SPOCK1: variants seen among roughly 807,000 people sequenced by gnomAD.
SPOCK1 encodes the protein testican-1.
Under a neutral mutation model 55.3 loss-of-function variants are expected in SPOCK1, and 23 were observed. The ratio of observed to expected loss-of-function variants is 0.42; its 90% CI spans 0.30 to 0.59. SPOCK1 has a LOEUF of 0.59. SPOCK1 is among the 20% of genes least tolerant of loss of function. The pLI is 0.22. For missense variants in SPOCK1, 499 were observed against 552.5 expected, an observed-to-expected ratio of 0.90 and a Z score of 0.97; for synonymous variants, 226 against 221.0, an observed-to-expected ratio of 1.02 and a Z score of -0.20.
chr5:137,344,178 C>G (rs1750502395), intron 2 of SPOCK1, among the ~76,000 whole-genome samples: 1 of 152,198 alleles, frequency 6.6e-6, no homozygotes, highest in Non-Finnish European at 1.5e-5. Context: ...CAAGAGGCTC[C>G]CATGCACCAG....
intron 3 of SPOCK1, among the ~76,000 whole-genome samples, chr5:137,202,459 A>G (rs537907050): frequency 6.6e-6 from 1 of 152,330 alleles, no homozygotes; most frequent in East Asian, 1.9e-4. Context: ...ATTCCACTCC[A>G]TTTGAGACCT....
chr5:136,980,987 C>CTGAT (rs1365244883), intron 9 of SPOCK1, among the ~76,000 whole-genome samples: 3 of 152,062 alleles, frequency 2.0e-5, no homozygotes, highest in African/African-American at 4.8e-5. Context: ...AATTTGGTAA[C>CTGAT]TGATAGTATC....
chr5:137,061,784 TA>T (rs1383908654), intron 6 of SPOCK1, among the ~76,000 whole-genome samples: 5 of 152,236 alleles, frequency 3.3e-5, no homozygotes, highest in Admixed American at 1.3e-4. Context: ...GATGCCATTC[TA>T]AACCTTGCTG....
intron 2 of SPOCK1, among the ~76,000 whole-genome samples, chr5:137,351,265 C>T (rs1226258891): frequency 6.6e-6 from 1 of 152,246 alleles, no homozygotes; most frequent in Non-Finnish European, 1.5e-5. Context: ...CATCCGCTGA[C>T]AATGCCACTC....
At position 137,201,204 on chromosome 5, in the gene SPOCK1, A is replaced by G. The variant is rs954388434; in HGVS notation, c.233-60510T>C. Among the ~76,000 whole-genome samples the G allele has an allele frequency of 2.0e-5, 3 of 152,242 alleles. No homozygotes were observed. The East Asian group carries it at 5.8e-4, about 29-fold the overall frequency. Reference sequence around the variant, plus strand: ...TTAATTCATCAGAACAAAAGAGACCAGAAGGACTGGACCAGCAGAGAAGCA... The same window carrying G: ...TTAATTCATCAGAACAAAAGAGACCGGAAGGACTGGACCAGCAGAGAAGCA... On this transcript the variant is annotated intron_variant, in intron 3 of 10. Transcript: ENST00000394945.
At chr5:137,014,292 C>T (rs1465803345) in intron 6 of SPOCK1, among the ~76,000 whole-genome samples, 1 of 152,156 alleles carries the variant, frequency 6.6e-6, no homozygotes, top group African/African-American at 2.4e-5. Flanking sequence ...CACTATGCTT[C>T]CTGTTCAGCC....
At chr5:137,389,468 C>A (rs374715583) in intron 2 of SPOCK1, among the ~76,000 whole-genome samples, 66 of 152,350 alleles carry the variant, frequency 4.3e-4, no homozygotes, top group African/African-American at 1.6e-3. Flanking sequence ...GCAGGAGGGA[C>A]CCCTGACTTT....
chr5:137,130,386 T>G (rs1753851166), intron 4 of SPOCK1, among the ~76,000 whole-genome samples: 1 of 152,222 alleles, frequency 6.6e-6, no homozygotes, highest in South Asian at 2.1e-4. Context: ...CATAAGTATT[T>G]GTTGAATAAA....
chr5:137,010,597 C>T (rs1184898084), intron 6 of SPOCK1, among the ~76,000 whole-genome samples: 1 of 152,124 alleles, frequency 6.6e-6, no homozygotes, highest in African/African-American at 2.4e-5. Context: ...GGCTTGCTCA[C>T]TCCAGCCTCC....
chr5:137,371,657 A>C (rs781420609), intron 2 of SPOCK1, among the ~76,000 whole-genome samples: 8 of 152,218 alleles, frequency 5.3e-5, no homozygotes, highest in Non-Finnish European at 1.0e-4. Flanking sequence ...TAAGAAGTTG[A>C]TAAGTTTACC....
At chr5:137,097,807 G>A (rs541231869) in intron 5 of SPOCK1, among the ~76,000 whole-genome samples, 10 of 152,308 alleles carry the variant, frequency 6.6e-5, no homozygotes, top group Middle Eastern at 3.4e-3. Context: ...GTGCTGCCAC[G>A]GGATTAATAA....
At chr5:137,318,289 A>AC (rs1188635665) in intron 2 of SPOCK1, among the ~76,000 whole-genome samples, 2 of 152,202 alleles carry the variant, frequency 1.3e-5, no homozygotes, top group Non-Finnish European at 2.9e-5. Context: ...AGTAAAGAGG[A>AC]TTTCTGCAGC....
chr5:137,155,982 C>T (rs1754408043), intron 3 of SPOCK1, among the ~76,000 whole-genome samples: 1 of 152,238 alleles, frequency 6.6e-6, no homozygotes, highest in East Asian at 1.9e-4. Context: ...CTGATTTCAA[C>T]TGACTCTAAA....
At chr5:137,389,030 A>G (rs1751656522) in intron 2 of SPOCK1, among the ~76,000 whole-genome samples, 1 of 152,220 alleles carries the variant, frequency 6.6e-6, no homozygotes, top group South Asian at 2.1e-4. Context: ...CCAAAGACCA[A>G]TCAAGACAGG....
At chr5:137,124,947 G>T (rs1580763472) in intron 4 of SPOCK1, among the ~76,000 whole-genome samples, 1 of 152,174 alleles carries the variant, frequency 6.6e-6, no homozygotes, top group Non-Finnish European at 1.5e-5. Flanking sequence ...ACAGCAGATT[G>T]ACACATTACC....
intron 2 of SPOCK1, among the ~76,000 whole-genome samples, chr5:137,497,938 T>G (rs761220908): frequency 1.6e-4 from 25 of 151,660 alleles, no homozygotes; most frequent in Non-Finnish European, 3.5e-4. Context: ...ACCTCTCCAG[T>G]AGGGATTCTC....
At chr5:137,248,916 A>C (rs899149765) in intron 3 of SPOCK1, among the ~76,000 whole-genome samples, 1 of 152,250 alleles carries the variant, frequency 6.6e-6, no homozygotes, top group African/African-American at 2.4e-5. Flanking sequence ...GGCCCAGAAA[A>C]CATTTCTTAT....
At chr5:137,098,199 T>C (rs952694817) in intron 5 of SPOCK1, among the ~76,000 whole-genome samples, 1 of 127,430 alleles carries the variant, frequency 7.8e-6, no homozygotes, top group African/African-American at 3.3e-5. Flanking sequence ...ACAAGGAAAC[T>C]GGAGAGCATA....
intron 8 of SPOCK1, among the ~76,000 whole-genome samples, chr5:136,985,498 C>A (rs1171843138): frequency 6.6e-6 from 1 of 151,808 alleles, no homozygotes; most frequent in Non-Finnish European, 1.5e-5. Flanking sequence ...GTGTAATGGA[C>A]TTTTTCCTTT....
Sources: allele counts gnomAD v4.1 joint callset (sites outside exome capture counted in the v4.1 genomes callset), GRCh38; gene constraint gnomAD v4.1.1; transcripts MANE v1.5; gene names NCBI Gene and HGNC (gene_info 2026-07-23, HGNC 2026-07-21).